The following NCAM2 variants were observed in gnomAD, a reference collection of about 807,000 sequenced individuals.
NCAM2 encodes neural cell adhesion molecule 2.
A neutral mutation model predicts 98.1 loss-of-function variants in NCAM2; 30 were observed. The ratio of observed to expected loss-of-function variants is 0.31; its 90% CI spans 0.23 to 0.41. NCAM2 has a LOEUF of 0.41. Among genes scored for constraint, NCAM2 ranks in the 10% least tolerant of loss-of-function variants. The probability of loss-of-function intolerance (pLI) is 1.00; values close to 1 mark genes in which losing one functional copy is unlikely to be tolerated. For synonymous variants in NCAM2, 368 were observed against 342.4 expected, an observed-to-expected ratio of 1.07 and a Z score of -0.83; for missense variants, 867 against 1,005.8, an observed-to-expected ratio of 0.86 and a Z score of 1.87.
chr21:21,234,288 T>TA (rs961377839), intron 1 of NCAM2, among the ~76,000 whole-genome samples: 105 of 144,724 alleles, frequency 7.3e-4, no homozygotes, highest in East Asian at 4.2e-3. Context: ...TTTAAGTCTA[T>TA]AAAAAAAAAA....
chr21:21,026,734 A>G (rs2064553377), intron 1 of NCAM2, among the ~76,000 whole-genome samples: 1 of 151,926 alleles, frequency 6.6e-6, no homozygotes, highest in Admixed American at 6.6e-5. Flanking sequence ...GTATTTGTGC[A>G]CTTCTGTGGC....
chr21:21,270,633 T>C (rs1054160425), intron 1 of NCAM2, among the ~76,000 whole-genome samples: 1 of 152,202 alleles, frequency 6.6e-6, no homozygotes, highest in African/African-American at 2.4e-5. Flanking sequence ...ATTCATACAA[T>C]GCGTTTTAGG....
At chr21:21,067,711 A>G (rs1371408442) in intron 1 of NCAM2, among the ~76,000 whole-genome samples, 4 of 152,226 alleles carry the variant, frequency 2.6e-5, no homozygotes. Flanking sequence ...AAGAAAGAAA[A>G]AAGTAGACTT....
At chr21:21,359,034 T>C (rs144070287) in intron 8 of NCAM2, among the ~76,000 whole-genome samples, 2 of 152,152 alleles carry the variant, frequency 1.3e-5, no homozygotes, top group East Asian at 3.9e-4. Flanking sequence ...AGTCAACTTC[T>C]GATTGTAGAG....
In NCAM2 at chr21:21,178,933, G is replaced by A. The variant is rs555730097; in HGVS notation, c.56-101645G>A. Reference sequence around the variant, plus strand: ...GTACACGGTGAAATTTTCTCACAAAGGTGGTGTCTACCTTACAAGTCCATG... The same window carrying A: ...GTACACGGTGAAATTTTCTCACAAAAGTGGTGTCTACCTTACAAGTCCATG... On this transcript the variant is annotated intron_variant, in intron 1 of 17. Coordinates refer to ENST00000400546, the MANE Select transcript of NCAM2 (RefSeq NM_004540.5). Among the ~76,000 whole-genome samples the A allele has an allele frequency of 5.9e-5, 9 of 152,118 alleles. No homozygotes were observed. The East Asian group carries it at 1.2e-3, about 20-fold the overall frequency.
intron 1 of NCAM2, among the ~76,000 whole-genome samples, chr21:21,058,117 T>A (rs1213564560): frequency 8.2e-6 from 1 of 121,862 alleles, no homozygotes; most frequent in Non-Finnish European, 1.7e-5. Context: ...ACAAAAAGAA[T>A]GTGCCAAAGT....
At chr21:21,331,510 T>TATATATATATATATATATATATATATA (rs1441524860) in intron 6 of NCAM2, among the ~76,000 whole-genome samples, 2 of 1,060 alleles carry the variant, frequency 1.9e-3, no homozygotes, top group South Asian at 0.071. Context: ...CTCTATACTC[T>TATATATATATATATATATATATATATA]CTCTCTCTAT....
intron 1 of NCAM2, among the ~76,000 whole-genome samples, chr21:21,161,361 G>T (rs925678919): frequency 1.3e-5 from 2 of 151,844 alleles, no homozygotes; most frequent in African/African-American, 4.8e-5. Flanking sequence ...ATTATTTCAT[G>T]TATTTGTTCA....
At chr21:21,097,848 G>A (rs1430251857) in intron 1 of NCAM2, among the ~76,000 whole-genome samples, 1 of 83,390 alleles carries the variant, frequency 1.2e-5, no homozygotes, top group African/African-American at 3.3e-5. Flanking sequence ...ACCCAGAATT[G>A]AACAAACGTT....
At chr21:21,153,258 C>T (rs1220906469) in intron 1 of NCAM2, among the ~76,000 whole-genome samples, 1 of 150,040 alleles carries the variant, frequency 6.7e-6, no homozygotes, top group Non-Finnish European at 1.5e-5. Context: ...ATTCCATTAT[C>T]ATTTTGTTTG....
chr21:21,398,389 C>A (rs2076560079), intron 9 of NCAM2, among the ~76,000 whole-genome samples: 1 of 151,924 alleles, frequency 6.6e-6, no homozygotes, highest in South Asian at 2.1e-4. Context: ...CCAAACACCA[C>A]CTGTTCCCCA....
intron 1 of NCAM2, among the ~76,000 whole-genome samples, chr21:21,028,699 AAT>A (rs1053061300): frequency 1.3e-5 from 2 of 152,204 alleles, no homozygotes; most frequent in African/African-American, 4.8e-5. Flanking sequence ...AAAATGCCCT[AAT>A]AGTCTTTTAT....
chr21:21,207,661 C>G (rs1052348252), intron 1 of NCAM2, among the ~76,000 whole-genome samples: 2 of 152,120 alleles, frequency 1.3e-5, no homozygotes, highest in African/African-American at 4.8e-5. Flanking sequence ...GTAGATGATT[C>G]AGGTACCCAT....
chr21:21,389,704 C>T (rs2076340277), intron 9 of NCAM2, among the ~76,000 whole-genome samples: 1 of 152,190 alleles, frequency 6.6e-6, no homozygotes, highest in South Asian at 2.1e-4. Context: ...ACTTATTTCA[C>T]TCAGTGTCCT....
intron 1 of NCAM2, among the ~76,000 whole-genome samples, chr21:21,022,090 G>A (rs551542541): frequency 2.0e-5 from 3 of 152,146 alleles, no homozygotes; most frequent in East Asian, 1.9e-4. Context: ...TGAACATATT[G>A]TACTGATAAA....
intron 1 of NCAM2, among the ~76,000 whole-genome samples, chr21:21,079,221 G>T (rs192134017): frequency 6.7e-6 from 1 of 148,500 alleles, no homozygotes; most frequent in Non-Finnish European, 1.5e-5. Flanking sequence ...CAAACAAAAC[G>T]TTTCTTTTGA....
intron 15 of NCAM2, among the ~76,000 whole-genome samples, chr21:21,482,581 C>A (rs1444727041): frequency 6.6e-6 from 1 of 151,568 alleles, no homozygotes; most frequent in Non-Finnish European, 1.5e-5. Context: ...TTTTTGTAAA[C>A]AATAGGGTAA....
At chr21:21,518,851 T>TA (rs1988855582) in intron 16 of NCAM2, among the ~76,000 whole-genome samples, 1 of 152,088 alleles carries the variant, frequency 6.6e-6, no homozygotes, top group South Asian at 2.1e-4. Flanking sequence ...TGGCAGTTAA[T>TA]AAACGTTAAC....
chr21:21,504,457 T>G (rs1054515149), intron 15 of NCAM2, among the ~76,000 whole-genome samples: 1 of 151,780 alleles, frequency 6.6e-6, no homozygotes, highest in African/African-American at 2.4e-5. Context: ...TAAACCATGA[T>G]TAACTAATAA....
Sources: allele counts gnomAD v4.1 joint callset (sites outside exome capture counted in the v4.1 genomes callset), GRCh38; gene constraint gnomAD v4.1.1; transcripts MANE v1.5; gene names NCBI Gene and HGNC (gene_info 2026-07-23, HGNC 2026-07-21).